Variants in GK observed in about 807,000 individuals in gnomAD.
The protein encoded by GK is glycerol kinase, also known as ATP:glycerol 3-phosphotransferase.
In GK, 9 loss-of-function variants were observed where a neutral mutation model predicts 56.4. The ratio of observed to expected loss-of-function variants is 0.16; its 90% CI spans 0.10 to 0.28. GK has a LOEUF of 0.28. GK is among the 10% of genes least tolerant of loss of function. The probability of loss-of-function intolerance (pLI) is 1.00; values close to 1 mark genes in which losing one functional copy is unlikely to be tolerated. For missense variants in GK, 161 were observed against 431.4 expected, an observed-to-expected ratio of 0.37 and a Z score of 5.55; for synonymous variants, 104 against 144.1, an observed-to-expected ratio of 0.72 and a Z score of 1.99.
At chrX:30,727,116 T>C (rs1327175812) in intron 19 of GK, among the ~76,000 whole-genome samples, 1 of 112,138 alleles carries the variant, frequency 8.9e-6, no homozygotes, top group Admixed American at 9.5e-5. Context: ...ATTAAATAGA[T>C]CATTTAATAT....
intron 13 of GK, among the ~76,000 whole-genome samples, chrX:30,712,463 C>T (rs1300139994): frequency 9.0e-6 from 1 of 110,672 alleles, no homozygotes; most frequent in Admixed American, 9.6e-5. Context: ...AGAGTTTACC[C>T]CATCTAGTAC....
At chrX:30,656,049 G>A (rs1932245566) in intron 1 of GK, among the ~76,000 whole-genome samples, 1 of 111,858 alleles carries the variant, frequency 8.9e-6, no homozygotes, top group Admixed American at 9.6e-5. Context: ...TGCTCTAGAG[G>A]CAAATAAAAA....
At chrX:30,712,964 G>A (rs187778383) in intron 13 of GK, among the ~76,000 whole-genome samples, 2,955 of 110,414 alleles carry the variant, frequency 0.027, 41 homozygotes, top group Non-Finnish European at 0.039. Context: ...TCGATCTCCT[G>A]ACCTGGTGAT....
intron 8 of GK, 71 bp from the exon 9 acceptor site, chrX:30,697,661 A>G (rs905123485): frequency 5.1e-5 from 38 of 745,948 alleles, no homozygotes; most frequent in Non-Finnish European, 7.3e-5. Context: ...AAAACGTGGA[A>G]CTGGCCTAGT....
intron 11 of GK, among the ~76,000 whole-genome samples, chrX:30,706,615 C>T (rs1171210261): frequency 8.9e-6 from 1 of 112,321 alleles, no homozygotes; most frequent in Non-Finnish European, 1.9e-5. Flanking sequence ...GTCAAAACTA[C>T]CTATTAATGT....
At position 30,730,352 on chromosome X, in the gene GK, C is replaced by T. The variant is rs1052329695; in HGVS notation, c.*1610C>T. 4 of 111,524 alleles carry T rather than the reference C, an allele frequency of 3.6e-5. No homozygotes were observed. Among genetic ancestry groups the T allele is most frequent in the Non-Finnish European group, 5.6e-5 (3 of 53,155 alleles). 9.2% of individuals were successfully genotyped at this position (111,524 alleles called of 1,213,427 possible). On this transcript the variant is annotated 3_prime_UTR_variant, in exon 21 of 21. Transcript: ENST00000427190. ...TTGAATCTGCTAGGTTTTATTGATG[C>T]AGCCACCACTTAAGTGACATAAATA...
intron 3 of GK, among the ~76,000 whole-genome samples, chrX:30,670,766 C>T (rs369933149): frequency 1.5e-3 from 162 of 110,901 alleles, no homozygotes; most frequent in African/African-American, 5.2e-3. Context: ...GGGTGGATCA[C>T]GAGGTCAGGA....
At chrX:30,723,971 T>C in intron 18 of GK, 130 bp from the exon 19 acceptor site, 1 of 516,316 alleles carries the variant, frequency 1.9e-6, no homozygotes, top group Non-Finnish European at 3.5e-6. Flanking sequence ...ATCTGAGTCC[T>C]GCTAAAGCCC....
intron 1 of GK, among the ~76,000 whole-genome samples, chrX:30,654,216 G>T (rs893953832): frequency 8.9e-6 from 1 of 112,375 alleles, no homozygotes; most frequent in Non-Finnish European, 1.9e-5. Context: ...ATTTAATTCC[G>T]AAGACTCGCA....
chrX:30,707,935 T>G (rs1936103489), intron 12 of GK, 119 bp from the exon 13 acceptor site: 4 of 490,684 alleles, frequency 8.2e-6, no homozygotes, highest in Non-Finnish European at 1.4e-5. Context: ...GGATTTATTT[T>G]AAAAATTGGT....
Position 30,728,721 on chromosome X carries a change from C to A in GK, c.1670-11C>A. 8.7e-7 allele frequency: 1 copy of A among 1,145,546 alleles called. No individual in the cohort carries two copies. The highest frequency in any genetic ancestry group is 1.8e-5 in the South Asian group (1 of 55,543). The allele number at this position is 1,145,546 out of a possible 1,213,427, so 94.4% of individuals were successfully genotyped here. ...ATTATTGACATATATGGTTTTTGTT[C>A]CCCATTTCAGGTATTCCATAAAACC... On this transcript the variant is annotated splice_polypyrimidine_tract_variant and intron_variant, in intron 20 of 20. Transcript: ENST00000427190.
At chrX:30,666,172 C>T (rs755471379) in intron 2 of GK, among the ~76,000 whole-genome samples, 1 of 111,731 alleles carries the variant, frequency 9.0e-6, no homozygotes, top group Non-Finnish European at 1.9e-5. Context: ...AAAGCATATG[C>T]CCATCGAAAG....
intron 13 of GK, among the ~76,000 whole-genome samples, chrX:30,715,914 AAC>A (rs1249971442): frequency 8.9e-6 from 1 of 112,195 alleles, no homozygotes; most frequent in Non-Finnish European, 1.9e-5. Context: ...CAGAATTTAA[AAC>A]AGTTATCTCC....
chrX:30,664,020 CTA>C (rs1932878787), intron 1 of GK, among the ~76,000 whole-genome samples: 1 of 83,387 alleles, frequency 1.2e-5, no homozygotes, highest in Non-Finnish European at 2.3e-5. Context: ...TTATATATAT[CTA>C]TATATATTTT....
At chrX:30,692,921 A>C (rs1295917635) in intron 5 of GK, among the ~76,000 whole-genome samples, 3 of 107,955 alleles carry the variant, frequency 2.8e-5, no homozygotes. Flanking sequence ...AAAAGTTATC[A>C]CTTTCTGTAG....
intron 5 of GK, among the ~76,000 whole-genome samples, chrX:30,693,401 A>G (rs1415738555): frequency 8.9e-6 from 1 of 111,877 alleles, no homozygotes; most frequent in Non-Finnish European, 1.9e-5. Flanking sequence ...GGTTTGACCC[A>G]TTCTCAAGGA....
intron 4 of GK, among the ~76,000 whole-genome samples, chrX:30,686,923 G>A (rs961703025): frequency 9.0e-6 from 1 of 110,974 alleles, no homozygotes; most frequent in Non-Finnish European, 1.9e-5. Context: ...GGACTCCCTA[G>A]CATCAATTTT....
At chrX:30,678,070 A>G in intron 4 of GK, 1 of 527,925 alleles carries the variant, frequency 1.9e-6, no homozygotes, top group Non-Finnish European at 3.5e-6. Flanking sequence ...AAGAGATCTT[A>G]CCTCCTTACC....
intron 3 of GK, among the ~76,000 whole-genome samples, chrX:30,675,259 G>A (rs1453269630): frequency 9.5e-6 from 1 of 105,492 alleles, no homozygotes; most frequent in Non-Finnish European, 1.9e-5. Context: ...GCAGTGGCCC[G>A]ATTTCGGCTC....
Sources: allele counts gnomAD v4.1 joint callset (sites outside exome capture counted in the v4.1 genomes callset), GRCh38; gene constraint gnomAD v4.1.1; transcripts MANE v1.5; gene names NCBI Gene and HGNC (gene_info 2026-07-23, HGNC 2026-07-21).